Variants in GPM6A observed in about 807,000 individuals in gnomAD.
The protein encoded by GPM6A is neuronal membrane glycoprotein M6-a.
GPM6A carries 7 observed loss-of-function variants against 32.1 expected under a neutral mutation model. That is an observed-to-expected ratio of 0.22 (90% CI 0.12 to 0.41). The LOEUF (loss-of-function observed/expected upper bound fraction) is 0.41. Ranked by LOEUF, GPM6A falls within the 10% of genes least tolerant of loss-of-function variation. The pLI is 1.00. For missense variants in GPM6A, 235 were observed against 347.2 expected, an observed-to-expected ratio of 0.68 and a Z score of 2.57; for synonymous variants, 130 against 123.4, an observed-to-expected ratio of 1.05 and a Z score of -0.35.
intron 1 of GPM6A, among the ~76,000 whole-genome samples, chr4:175,704,042 C>T (rs1745023342): frequency 6.6e-6 from 1 of 152,106 alleles, no homozygotes; most frequent in Non-Finnish European, 1.5e-5. Flanking sequence ...TCTGTGTGCA[C>T]TTTATCTAGA....
intron 2 of GPM6A, among the ~76,000 whole-genome samples, chr4:175,677,923 A>T (rs1365182707): frequency 6.6e-6 from 1 of 152,212 alleles, no homozygotes; most frequent in Non-Finnish European, 1.5e-5. Flanking sequence ...CGAGCAAAAA[A>T]GTTTTAGCCT....
At chr4:175,891,567 C>G (rs1475396741) in intron 1 of GPM6A, 1 of 152,190 alleles carries the variant, frequency 6.6e-6, no homozygotes, top group African/African-American at 2.4e-5. Context: ...ATGTACCGAA[C>G]TTATTCAAAT....
At chr4:175,654,375 G>A (rs1277093227) in intron 3 of GPM6A, 1 of 152,016 alleles carries the variant, frequency 6.6e-6, no homozygotes, top group Non-Finnish European at 1.5e-5. Flanking sequence ...ACTCTAAACT[G>A]GCTTCACATG....
intron 1 of GPM6A, among the ~76,000 whole-genome samples, chr4:175,937,979 A>G (rs1196180932): frequency 1.3e-5 from 2 of 150,530 alleles, no homozygotes; most frequent in Non-Finnish European, 1.5e-5. Context: ...TAAAGTTGAT[A>G]GTCAGTTATT....
At chr4:175,877,507 G>T (rs1737122814) in intron 1 of GPM6A, among the ~76,000 whole-genome samples, 1 of 152,102 alleles carries the variant, frequency 6.6e-6, no homozygotes, top group African/African-American at 2.4e-5. Flanking sequence ...ATGGTGGAAG[G>T]CACCTCTTCA....
intron 1 of GPM6A, among the ~76,000 whole-genome samples, chr4:175,987,982 T>C (rs1741029819): frequency 1.3e-5 from 2 of 152,092 alleles, no homozygotes; most frequent in African/African-American, 2.4e-5. Context: ...TATTTGTTAG[T>C]TGTGAAAAGA....
chr4:175,853,450 T>C (rs1309981680), intron 1 of GPM6A, among the ~76,000 whole-genome samples: 1 of 151,676 alleles, frequency 6.6e-6, no homozygotes, highest in Non-Finnish European at 1.5e-5. Context: ...ATTAAGGAAG[T>C]ATTAAATAAT....
intron 1 of GPM6A, among the ~76,000 whole-genome samples, chr4:175,878,510 G>A (rs1162233185): frequency 6.6e-6 from 1 of 152,084 alleles, no homozygotes; most frequent in Non-Finnish European, 1.5e-5. Context: ...CAAGGCTTGG[G>A]GCTTTCAACT....
At chr4:175,931,889 A>C (rs987847449) in intron 1 of GPM6A, among the ~76,000 whole-genome samples, 2 of 152,024 alleles carry the variant, frequency 1.3e-5, no homozygotes, top group Non-Finnish European at 2.9e-5. Context: ...GTTCAGGACC[A>C]GTCTGGGCAA....
intron 2 of GPM6A, among the ~76,000 whole-genome samples, chr4:175,700,467 C>G (rs867160484): frequency 1.1e-4 from 16 of 152,180 alleles, no homozygotes; most frequent in African/African-American, 3.9e-4. Context: ...ACCAGTTCAA[C>G]AGGAATTGCC....
intron 1 of GPM6A, among the ~76,000 whole-genome samples, chr4:175,853,474 T>A (rs1450857924): frequency 6.7e-6 from 1 of 149,602 alleles, no homozygotes; most frequent in Non-Finnish European, 1.5e-5. Context: ...GCAACACAAA[T>A]CAGACAATAA....
At chr4:175,747,381 G>A (rs2111180237) in intron 1 of GPM6A, among the ~76,000 whole-genome samples, 1 of 151,898 alleles carries the variant, frequency 6.6e-6, no homozygotes, top group South Asian at 2.1e-4. Flanking sequence ...TGAAATACAG[G>A]AATACTGCTA....
At chr4:175,796,607 G>A (rs1418461553) in intron 1 of GPM6A, among the ~76,000 whole-genome samples, 2 of 152,090 alleles carry the variant, frequency 1.3e-5, no homozygotes, top group Admixed American at 1.3e-4. Context: ...TTCATTATAA[G>A]TATGTAAAAG....
chr4:175,983,144 C>A (rs540918933), intron 1 of GPM6A, among the ~76,000 whole-genome samples: 53 of 152,054 alleles, frequency 3.5e-4, no homozygotes, highest in African/African-American at 1.3e-3. Flanking sequence ...TTTAAAGGAC[C>A]AAAACGAAGG....
intron 1 of GPM6A, among the ~76,000 whole-genome samples, chr4:175,726,152 C>G (rs1455807270): frequency 1.2e-5 from 1 of 86,780 alleles, no homozygotes; most frequent in African/African-American, 4.2e-5. Flanking sequence ...ACCACCACGA[C>G]CAGCTAATTT....
intron 1 of GPM6A, among the ~76,000 whole-genome samples, chr4:175,809,091 G>A (rs538068183): frequency 4.6e-5 from 7 of 152,266 alleles, no homozygotes; most frequent in Admixed American, 2.6e-4. Context: ...CTGGCCACCC[G>A]AATGTGTATT....
At chr4:175,795,398 C>A (rs1731870777) in intron 1 of GPM6A, among the ~76,000 whole-genome samples, 1 of 152,132 alleles carries the variant, frequency 6.6e-6, no homozygotes, top group Non-Finnish European at 1.5e-5. Context: ...TTTTGACTTG[C>A]TTCTAATGAA....
intron 3 of GPM6A, among the ~76,000 whole-genome samples, chr4:175,664,110 A>G (rs1255980517): frequency 6.6e-6 from 1 of 152,214 alleles, no homozygotes; most frequent in Non-Finnish European, 1.5e-5. Flanking sequence ...TATATACTAC[A>G]TGATTCCAAC....
intron 4 of GPM6A, among the ~76,000 whole-genome samples, chr4:175,645,894 G>A (rs1314482638): frequency 6.6e-6 from 1 of 152,096 alleles, no homozygotes; most frequent in Non-Finnish European, 1.5e-5. Context: ...TTTTAAAGAT[G>A]ATAAAATACC....
Sources: allele counts gnomAD v4.1 joint callset (sites outside exome capture counted in the v4.1 genomes callset), GRCh38; gene constraint gnomAD v4.1.1; transcripts MANE v1.5; gene names NCBI Gene and HGNC (gene_info 2026-07-23, HGNC 2026-07-21).